FILIP1L: variants seen among roughly 807,000 people sequenced by gnomAD.
FILIP1L encodes filamin A interacting protein 1 like.
Under a neutral mutation model 96.6 loss-of-function variants are expected in FILIP1L, and 55 were observed. The ratio of observed to expected loss-of-function variants is 0.57; its 90% CI spans 0.46 to 0.71. The LOEUF (loss-of-function observed/expected upper bound fraction) is 0.71, where lower values mean the gene tolerates loss of function less well. Ranked by LOEUF, FILIP1L falls within the 30% of genes least tolerant of loss-of-function variation. The probability of loss-of-function intolerance (pLI) is 0.00; values close to 1 mark genes in which losing one functional copy is unlikely to be tolerated. For missense variants in FILIP1L, 1,304 were observed against 1,321.2 expected (o/e 0.99, Z 0.20); for synonymous variants, 467 against 473.9 (o/e 0.99, Z 0.19).
intron 4 of FILIP1L, among the ~76,000 whole-genome samples, chr3:99,887,202 G>A (rs1328753652): frequency 1.3e-5 from 2 of 151,998 alleles, no homozygotes; most frequent in Non-Finnish European, 2.9e-5. Flanking sequence ...AGGAGGAGGA[G>A]GTCGCGGTTA....
At chr3:100,004,087 G>C (rs1486426015) in intron 1 of FILIP1L, among the ~76,000 whole-genome samples, 1 of 152,102 alleles carries the variant, frequency 6.6e-6, no homozygotes, top group Non-Finnish European at 1.5e-5. Context: ...AATCCACCTT[G>C]ATTCGGCCTA....
chr3:100,008,651 A>G (rs965525250), intron 1 of FILIP1L, among the ~76,000 whole-genome samples: 1 of 152,260 alleles, frequency 6.6e-6, no homozygotes, highest in Admixed American at 6.5e-5. Context: ...TTAAGTAATT[A>G]TAAGTCTATT....
At chr3:99,830,856 C>T (rs1476302109) in intron 5 of FILIP1L, among the ~76,000 whole-genome samples, 4 of 152,170 alleles carry the variant, frequency 2.6e-5, no homozygotes, top group Non-Finnish European at 5.9e-5. Flanking sequence ...AGATATTTGG[C>T]AATCACGGTG....
chr3:99,897,071 A>G (rs1451610895), intron 4 of FILIP1L, among the ~76,000 whole-genome samples: 1 of 152,100 alleles, frequency 6.6e-6, no homozygotes, highest in Non-Finnish European at 1.5e-5. Context: ...AATATTGTCA[A>G]CTTTTGGCCA....
intron 1 of FILIP1L, among the ~76,000 whole-genome samples, chr3:99,973,340 T>C (rs1158586223): frequency 2.0e-5 from 3 of 152,224 alleles, no homozygotes; most frequent in African/African-American, 4.8e-5. Flanking sequence ...GTATGCAAAA[T>C]TGCAAAAACT....
rs371193874 is a variant in FILIP1L at position 99,853,874 on chromosome 3, C to T, written c.606-2804G>A. Among the ~76,000 whole-genome samples the T allele has an allele frequency of 1.1e-4, 16 of 152,242 alleles. No individual in the cohort carries two copies. The East Asian group carries it at 1.7e-3, about 17-fold the overall frequency. Reference sequence around the variant, plus strand: ...GAATTTATATGCAGAAAAAACTATACCCATAGCCATCAACTTGGGAGCTCA... The same window carrying T: ...GAATTTATATGCAGAAAAAACTATATCCATAGCCATCAACTTGGGAGCTCA... On this transcript the variant is annotated intron_variant, in intron 4 of 5. Transcript: ENST00000477258.
At chr3:100,045,136 A>T (rs949742536) in intron 1 of FILIP1L, among the ~76,000 whole-genome samples, 1 of 152,234 alleles carries the variant, frequency 6.6e-6, no homozygotes, top group South Asian at 2.1e-4. Flanking sequence ...AGAAATATAA[A>T]TTGGATAACA....
intron 1 of FILIP1L, among the ~76,000 whole-genome samples, chr3:100,000,191 G>C (rs1470449192): frequency 6.6e-6 from 1 of 152,134 alleles, no homozygotes; most frequent in Non-Finnish European, 1.5e-5. Flanking sequence ...GCCTTCTTCT[G>C]ATCCTTCAGG....
intron 1 of FILIP1L, among the ~76,000 whole-genome samples, chr3:100,014,471 G>GAGTT (rs1265696203): frequency 6.6e-6 from 1 of 152,022 alleles, no homozygotes; most frequent in Non-Finnish European, 1.5e-5. Context: ...CAGTGTATAA[G>GAGTT]AGTTCCCTTT....
At position 100,081,987 on chromosome 3, in the gene FILIP1L, T is replaced by C. The variant is rs1345742755; in HGVS notation, c.-11+32066A>G. ...TTTTAGAGTAGGAGGTATGGCATATTTAGACTTTAGGCTATCTGAGGAAAA... is the reference window on the plus strand; with the variant it reads ...TTTTAGAGTAGGAGGTATGGCATATCTAGACTTTAGGCTATCTGAGGAAAA... On this transcript the variant is annotated intron_variant, in intron 1 of 5. Transcript: ENST00000477258. Among the ~76,000 whole-genome samples, 3 of 152,306 alleles carry C rather than the reference T, an allele frequency of 2.0e-5. No homozygotes were observed. In the East Asian group the frequency reaches 5.8e-4, roughly 29 times the overall value.
intron 1 of FILIP1L, among the ~76,000 whole-genome samples, chr3:100,043,522 G>A (rs779523895): frequency 6.6e-6 from 1 of 152,068 alleles, no homozygotes; most frequent in African/African-American, 2.4e-5. Context: ...TGCTGTGGGA[G>A]ACAGGCTCCA....
At chr3:100,027,879 G>A (rs142768792) in intron 1 of FILIP1L, among the ~76,000 whole-genome samples, 24 of 152,314 alleles carry the variant, frequency 1.6e-4, no homozygotes, top group African/African-American at 5.3e-4. Context: ...TGAAACTAGA[G>A]TTGGGAGTGA....
At position 100,066,517 on chromosome 3, in the gene FILIP1L, CTTTTTTTTTTTTTTT is replaced by C. The variant is rs545356638; in HGVS notation, c.-11+47521_-11+47535del. On this transcript the variant is annotated intron_variant, in intron 1 of 5. Coordinates refer to ENST00000477258, the MANE Select transcript of FILIP1L (RefSeq NM_001387850.1). Reference sequence around the variant, plus strand: ...AAGGATGATGTGGAAGGCTTTGCTTCTTTTTTTTTTTTTTTTTTTTTTTTTTTTTTTTGAGACGGA... The same window carrying C: ...AAGGATGATGTGGAAGGCTTTGCTTCTTTTTTTTTTTTTTTTTGAGACGGA... Among the ~76,000 whole-genome samples the C allele has an allele frequency of 9.4e-4, 36 of 38,326 alleles. 1 individual carries two copies. Among genetic ancestry groups the C allele is most frequent in the Non-Finnish European group, 1.4e-3 (31 of 22,676 alleles). 25.1% of individuals were successfully genotyped at this position (38,326 alleles called of 152,430 possible). A position where few individuals can be genotyped will look rare whatever the true frequency, so the allele number is the denominator to read the frequency against.
Position 99,966,784 on chromosome 3 carries a change from G to A in FILIP1L, c.-10-35754C>T, listed in dbSNP as rs185504762. The stretch of plus-strand genomic sequence containing the variant: ...ATCTCTGTAAAGTTATATGGGCCAC[G>A]TATACAAGACGTAACTGAAGAAAAT... On this transcript the variant is annotated intron_variant, in intron 1 of 5. Transcript: ENST00000477258. Among the ~76,000 whole-genome samples, 544 of 152,270 alleles carry A rather than the reference G, an allele frequency of 3.6e-3. 7 individuals carry two copies. Among genetic ancestry groups the A allele is most frequent in the Non-Finnish European group, 5.3e-3 (362 of 68,038 alleles).
intron 4 of FILIP1L, among the ~76,000 whole-genome samples, chr3:99,897,510 A>C (rs1300312295): frequency 6.6e-6 from 1 of 152,160 alleles, no homozygotes; most frequent in Non-Finnish European, 1.5e-5. Context: ...CAAATTTTGA[A>C]TTTTCTTTAC....
intron 1 of FILIP1L, among the ~76,000 whole-genome samples, chr3:100,013,116 G>T (rs920599898): frequency 6.6e-6 from 1 of 152,070 alleles, no homozygotes; most frequent in African/African-American, 2.4e-5. Context: ...GGCTCAAGCA[G>T]TCCACCCACC....
intron 1 of FILIP1L, among the ~76,000 whole-genome samples, chr3:100,035,255 A>G (rs1032867137): frequency 1.3e-5 from 2 of 152,148 alleles, no homozygotes; most frequent in African/African-American, 2.4e-5. Context: ...CTGTGCGCAT[A>G]TTCCTCCTTA....
intron 4 of FILIP1L, among the ~76,000 whole-genome samples, chr3:99,885,595 G>A (rs1194560226): frequency 6.6e-6 from 1 of 152,230 alleles, no homozygotes; most frequent in East Asian, 1.9e-4. Context: ...GACTCAAAAT[G>A]TAAAAGTGGC....
intron 1 of FILIP1L, among the ~76,000 whole-genome samples, chr3:99,973,094 A>C (rs1401915047): frequency 6.6e-6 from 1 of 152,228 alleles, no homozygotes; most frequent in African/African-American, 2.4e-5. Context: ...ACAATTATTA[A>C]AAAAGATGAA....
Sources: gnomAD v4.1 joint callset for allele counts (sites outside exome capture counted in the v4.1 genomes callset) on GRCh38, gnomAD v4.1.1 for gene constraint, MANE v1.5 for transcripts, NCBI Gene and HGNC (gene_info 2026-07-23, HGNC 2026-07-21) for gene names.